The following PDE1A variants were observed in gnomAD, a reference collection of about 807,000 sequenced individuals.
The protein encoded by PDE1A is dual specificity calcium/calmodulin-dependent 3',5'-cyclic nucleotide phosphodiesterase 1A.
A neutral mutation model predicts 61.7 loss-of-function variants in PDE1A; 35 were observed. That is an observed-to-expected ratio of 0.57 (90% CI 0.43 to 0.75). PDE1A has a LOEUF of 0.75. PDE1A is among the 30% of genes least tolerant of loss of function. The pLI is 0.00. For synonymous variants in PDE1A, 232 were observed against 213.2 expected, an observed-to-expected ratio of 1.09 and a Z score of -0.77; for missense variants, 597 against 630.6, an observed-to-expected ratio of 0.95 and a Z score of 0.57.
intron 2 of PDE1A, among the ~76,000 whole-genome samples, chr2:182,458,207 T>C (rs954869160): frequency 6.6e-6 from 1 of 152,036 alleles, no homozygotes; most frequent in Non-Finnish European, 1.5e-5. Context: ...CAATCAAATA[T>C]GAGAAGGCTT....
chr2:182,448,968 T>A (rs1038652898), intron 2 of PDE1A, among the ~76,000 whole-genome samples: 1 of 150,384 alleles, frequency 6.6e-6, no homozygotes. Flanking sequence ...TTCTCTATAT[T>A]TAAAGATATA....
chr2:182,152,954 A>G (rs1431005547), intron 13 of PDE1A, among the ~76,000 whole-genome samples: 2 of 152,228 alleles, frequency 1.3e-5, no homozygotes, highest in Non-Finnish European at 2.9e-5. Flanking sequence ...AAATCAAGAA[A>G]TAGGTAAATT....
chr2:182,153,900 G>C (rs1690927845), intron 13 of PDE1A, among the ~76,000 whole-genome samples: 1 of 152,104 alleles, frequency 6.6e-6, no homozygotes, highest in Non-Finnish European at 1.5e-5. Context: ...TTACTTAATG[G>C]GTATAATGTA....
At chr2:182,252,037 C>T (rs1340441436) in intron 2 of PDE1A, among the ~76,000 whole-genome samples, 2 of 152,028 alleles carry the variant, frequency 1.3e-5, no homozygotes, top group Non-Finnish European at 1.5e-5. Flanking sequence ...TGGGAGGTAA[C>T]GGTAGCCAAA....
chr2:182,615,947 C>G, the PDE1A span, among the ~76,000 whole-genome samples: 2 of 152,204 alleles, frequency 1.3e-5, no homozygotes, highest in African/African-American at 4.8e-5. Context: ...TCTCAATTCT[C>G]AACACTGTTG....
At chr2:182,584,619 C>T in the PDE1A span, among the ~76,000 whole-genome samples, 3 of 152,188 alleles carry the variant, frequency 2.0e-5, no homozygotes, top group Non-Finnish European at 4.4e-5. Flanking sequence ...CTGTGCAATG[C>T]TCACCATCTA....
intron 3 of PDE1A, among the ~76,000 whole-genome samples, chr2:182,235,392 T>C (rs531677196): frequency 7.9e-5 from 12 of 152,326 alleles, no homozygotes; most frequent in African/African-American, 2.2e-4. Context: ...TCCGCCCACA[T>C]TGGCCTCTCA....
chr2:182,701,204 T>A, the PDE1A span, among the ~76,000 whole-genome samples: 1 of 151,254 alleles, frequency 6.6e-6, no homozygotes, highest in South Asian at 2.1e-4. Flanking sequence ...CCGGCTAATT[T>A]TTTTGTATTT....
At chr2:182,594,704 C>T in the PDE1A span, among the ~76,000 whole-genome samples, 3 of 152,302 alleles carry the variant, frequency 2.0e-5, no homozygotes, top group Middle Eastern at 3.4e-3. Context: ...GACACTTAGT[C>T]TTCTGACCTA....
At chr2:182,652,210 T>C in the PDE1A span, among the ~76,000 whole-genome samples, 1 of 152,178 alleles carries the variant, frequency 6.6e-6, no homozygotes, top group Non-Finnish European at 1.5e-5. Context: ...TTGCCAATGT[T>C]TTCTCCTCAC....
At chr2:182,657,787 C>A in the PDE1A span, among the ~76,000 whole-genome samples, 1 of 151,920 alleles carries the variant, frequency 6.6e-6, no homozygotes, top group African/African-American at 2.4e-5. Context: ...GTGGGAAGCC[C>A]CAGGTGGCTA....
At chr2:182,289,916 T>G (rs1694412690) in intron 1 of PDE1A, among the ~76,000 whole-genome samples, 3 of 152,110 alleles carry the variant, frequency 2.0e-5, no homozygotes, top group Admixed American at 2.0e-4. Context: ...GACTCAGCTA[T>G]GTATGGATCA....
At chr2:182,552,080 T>TA in the PDE1A span, among the ~76,000 whole-genome samples, 3 of 152,184 alleles carry the variant, frequency 2.0e-5, no homozygotes, top group Admixed American at 2.0e-4. Context: ...TTGAAACCTT[T>TA]AAAAAATATT....
chr2:182,523,965 G>C (rs1024488872), upstream of PDE1A, among the ~76,000 whole-genome samples: 1 of 152,074 alleles, frequency 6.6e-6, no homozygotes, highest in Non-Finnish European at 1.5e-5. Context: ...AATTATAAGA[G>C]GGTAAATCAA....
chr2:182,168,097 G>A, exon 14 of PDE1A: 1 of 1,355,040 alleles, frequency 7.4e-7, no homozygotes. Flanking sequence ...TGTTATTTAT[G>A]TGGCTCATGA....
intron 1 of PDE1A, among the ~76,000 whole-genome samples, chr2:182,282,024 T>C (rs1016332668): frequency 2.0e-5 from 3 of 151,950 alleles, no homozygotes; most frequent in Non-Finnish European, 4.4e-5. Flanking sequence ...TCTGGAACAA[T>C]GTTACCCTTA....
the PDE1A span, among the ~76,000 whole-genome samples, chr2:182,566,290 G>C: frequency 6.6e-6 from 1 of 151,758 alleles, no homozygotes; most frequent in Non-Finnish European, 1.5e-5. Context: ...CTATCTACCT[G>C]CCATACTTTT....
At chr2:182,669,465 G>C in the PDE1A span, among the ~76,000 whole-genome samples, 1 of 152,264 alleles carries the variant, frequency 6.6e-6, no homozygotes, top group East Asian at 1.9e-4. Flanking sequence ...TGTATTAAAA[G>C]TTGGAAGTTT....
At chr2:182,230,115 T>A in exon 6 of PDE1A, 1 of 1,612,784 alleles carries the variant, frequency 6.2e-7, no homozygotes, top group South Asian at 1.1e-5. Context: ...TTCTAAAGCT[T>A]CTGCAAAGGT....
Sources: allele counts gnomAD v4.1 joint callset (sites outside exome capture counted in the v4.1 genomes callset), GRCh38; gene constraint gnomAD v4.1.1; transcripts MANE v1.5; gene names NCBI Gene and HGNC (gene_info 2026-07-23, HGNC 2026-07-21).